Variants in CCDC91 observed in about 807,000 individuals in gnomAD.
CCDC91 encodes the protein coiled-coil domain containing 91, also known as coiled-coil domain-containing protein 91.
Under a neutral mutation model 63.2 loss-of-function variants are expected in CCDC91, and 48 were observed. That is an observed-to-expected ratio of 0.76 (90% CI 0.60 to 0.97). CCDC91 has a LOEUF of 0.97. Ranked by LOEUF, CCDC91 falls within the 50% of genes least tolerant of loss-of-function variation. The pLI, the probability that CCDC91 is intolerant of heterozygous loss-of-function variation, is 0.00. For missense variants in CCDC91, 500 were observed against 494.6 expected (o/e 1.01, Z -0.10); for synonymous variants, 167 against 165.8 (o/e 1.01, Z -0.06).
At chr12:28,295,700 T>G (rs577826230) in intron 3 of CCDC91, among the ~76,000 whole-genome samples, 15 of 152,184 alleles carry the variant, frequency 9.9e-5, no homozygotes, top group African/African-American at 2.9e-4. Flanking sequence ...ACAGGCACTG[T>G]TTTCTTAAGT....
chr12:28,259,586 T>A, intron 3 of CCDC91, 144 bp downstream of exon 3: 2 of 575,650 alleles, frequency 3.5e-6, no homozygotes, highest in Non-Finnish European at 6.2e-6. Flanking sequence ...ACTCTTTAGG[T>A]TTTTAAAATA....
intron 7 of CCDC91, among the ~76,000 whole-genome samples, chr12:28,376,304 T>C (rs1944941715): frequency 6.6e-6 from 1 of 151,778 alleles, no homozygotes; most frequent in African/African-American, 2.4e-5. Flanking sequence ...TGTATGTGCT[T>C]ATATTGTATC....
chr12:28,321,023 A>AT (rs1387676290), intron 6 of CCDC91, among the ~76,000 whole-genome samples: 1 of 151,926 alleles, frequency 6.6e-6, no homozygotes, highest in Non-Finnish European at 1.5e-5. Flanking sequence ...TTTGAAAGGA[A>AT]TAGGTAAGAA....
At position 28,368,444 on chromosome 12, in the gene CCDC91, A is replaced by G. The variant is rs77269314; in HGVS notation, c.654+5929A>G. Among the ~76,000 whole-genome samples, 1,405 of 152,314 alleles carry G rather than the reference A, an allele frequency of 9.2e-3. 27 individuals carry two copies. The highest frequency in any genetic ancestry group is 0.032 in the African/African-American group (1,335 of 41,566). On this transcript the variant is annotated intron_variant, in intron 7 of 12. Coordinates refer to ENST00000536442, the MANE Select transcript of CCDC91 (RefSeq NM_018318.5). ...ATATCCTGCTATTGTTAGATGGACCATACTCCAGATATCTATGGGGTAGAT... is the reference window on the plus strand; with the variant it reads ...ATATCCTGCTATTGTTAGATGGACCGTACTCCAGATATCTATGGGGTAGAT...
At chr12:28,354,329 T>G (rs1943382684) in intron 6 of CCDC91, among the ~76,000 whole-genome samples, 1 of 152,192 alleles carries the variant, frequency 6.6e-6, no homozygotes, top group Non-Finnish European at 1.5e-5. Flanking sequence ...TCTACATCTC[T>G]GTCTCAAATC....
chr12:28,280,552 G>A (rs1948536420), intron 3 of CCDC91, among the ~76,000 whole-genome samples: 1 of 152,026 alleles, frequency 6.6e-6, no homozygotes, highest in African/African-American at 2.4e-5. Flanking sequence ...TAGTCTATAT[G>A]TCTATAATGG....
chr12:28,385,190 C>A (rs1945526542), intron 7 of CCDC91, among the ~76,000 whole-genome samples: 1 of 151,646 alleles, frequency 6.6e-6, no homozygotes, highest in South Asian at 2.1e-4. Context: ...GATATTTTTC[C>A]AAGAAAGGTG....
intron 12 of CCDC91, among the ~76,000 whole-genome samples, chr12:28,508,568 C>T (rs1939009512): frequency 1.3e-5 from 2 of 151,870 alleles, no homozygotes; most frequent in African/African-American, 4.8e-5. Context: ...AACAGCCCTA[C>T]CTCCTTTTAT....
chr12:28,532,302 T>G (rs1941802232), intron 12 of CCDC91, among the ~76,000 whole-genome samples: 1 of 152,138 alleles, frequency 6.6e-6, no homozygotes, highest in African/African-American at 2.4e-5. Flanking sequence ...ATATGTCTAG[T>G]GAAATGTGGA....
intron 8 of CCDC91, among the ~76,000 whole-genome samples, chr12:28,394,382 C>T (rs554809339): frequency 2.0e-5 from 3 of 152,002 alleles, no homozygotes; most frequent in South Asian, 2.1e-4. Context: ...AGGAGAATGG[C>T]GTGAACCTGG....
In CCDC91 at chr12:28,527,494, C is replaced by T. The variant is rs540616875; in HGVS notation, c.1216-21569C>T. On this transcript the variant is annotated intron_variant, in intron 12 of 12. Coordinates refer to ENST00000536442, the MANE Select transcript of CCDC91 (RefSeq NM_018318.5). Reference sequence around the variant, plus strand: ...TCAGCCATGGATACGAGCACCTGCTCGGGTGGCAGTGGCAGGGGAGTGAAA... The same window carrying T: ...TCAGCCATGGATACGAGCACCTGCTTGGGTGGCAGTGGCAGGGGAGTGAAA... Among the ~76,000 whole-genome samples, 62 of 152,300 alleles carry T rather than the reference C, an allele frequency of 4.1e-4. 2 individuals are homozygous for T. Among genetic ancestry groups the T allele is most frequent in the East Asian group, 7.7e-4 (4 of 5,176 alleles).
At chr12:28,442,317 A>G (rs1248275407) in intron 8 of CCDC91, among the ~76,000 whole-genome samples, 1 of 152,070 alleles carries the variant, frequency 6.6e-6, no homozygotes, top group Non-Finnish European at 1.5e-5. Context: ...TTTACTTAGA[A>G]CCACATTGTT....
chr12:28,328,477 A>T (rs978530795), intron 6 of CCDC91, among the ~76,000 whole-genome samples: 2 of 152,188 alleles, frequency 1.3e-5, no homozygotes, highest in African/African-American at 2.4e-5. Context: ...ACTGAACTGC[A>T]GCTTTTATTT....
intron 1 of CCDC91, among the ~76,000 whole-genome samples, chr12:28,248,480 TA>T (rs1945910437): frequency 6.6e-6 from 1 of 152,140 alleles, no homozygotes; most frequent in African/African-American, 2.4e-5. Flanking sequence ...CACCAAAATT[TA>T]AAGGATAGGT....
At chr12:28,525,068 T>C (rs1267814511) in intron 12 of CCDC91, among the ~76,000 whole-genome samples, 1 of 152,170 alleles carries the variant, frequency 6.6e-6, no homozygotes, top group Admixed American at 6.6e-5. Context: ...CATGTATCTT[T>C]TGTATTGTTT....
At chr12:28,406,108 A>G (rs1946923065) in intron 8 of CCDC91, among the ~76,000 whole-genome samples, 1 of 152,054 alleles carries the variant, frequency 6.6e-6, no homozygotes, top group Non-Finnish European at 1.5e-5. Context: ...TTTAAGTTCC[A>G]GGGTACATGT....
intron 3 of CCDC91, among the ~76,000 whole-genome samples, chr12:28,275,239 G>C (rs1440826992): frequency 1.3e-5 from 2 of 151,800 alleles, no homozygotes; most frequent in African/African-American, 2.4e-5. Flanking sequence ...TAATAAAGAA[G>C]AAAAGAGAGA....
intron 8 of CCDC91, among the ~76,000 whole-genome samples, chr12:28,446,415 C>G (rs763587348): frequency 6.6e-6 from 1 of 152,018 alleles, no homozygotes; most frequent in South Asian, 2.1e-4. Context: ...GTTACTGACT[C>G]AAAGGAACAA....
intron 3 of CCDC91, among the ~76,000 whole-genome samples, chr12:28,267,772 TA>T (rs1425867124): frequency 0.013 from 814 of 62,128 alleles, 54 homozygotes; most frequent in African/African-American, 0.046. Flanking sequence ...TATATAATTA[TA>T]TTATTAATAT....
Sources: gnomAD v4.1 joint callset for allele counts (sites outside exome capture counted in the v4.1 genomes callset) on GRCh38, gnomAD v4.1.1 for gene constraint, MANE v1.5 for transcripts, NCBI Gene and HGNC (gene_info 2026-07-23, HGNC 2026-07-21) for gene names.